CIART: variants seen among roughly 807,000 people sequenced by gnomAD.
CIART encodes circadian associated repressor of transcription.
A neutral mutation model predicts 22.1 loss-of-function variants in CIART; 7 were observed. That is an observed-to-expected ratio of 0.32 (90% CI 0.18 to 0.59). The LOEUF (loss-of-function observed/expected upper bound fraction) is 0.59. CIART is among the 20% of genes least tolerant of loss of function. The pLI, the probability that CIART is intolerant of heterozygous loss-of-function variation, is 0.86. For missense variants in CIART, 440 were observed against 478.0 expected (o/e 0.92, Z 0.74); for synonymous variants, 163 against 174.6 (o/e 0.93, Z 0.53).
In CIART at chr1:150,287,071, A is replaced by G; in HGVS notation, c.*117A>G. On this transcript the variant is annotated 3_prime_UTR_variant, in exon 5 of 5. Coordinates refer to ENST00000290363, the MANE Select transcript of CIART (RefSeq NM_144697.4). ...GAGGGAAGATAAATCCTTTCTGATT[A>G]AAGAAATTTTTTTATACCTAAACAG... 1 of 1,114,152 alleles carries G rather than the reference A, an allele frequency of 9.0e-7. No individual in the cohort carries two copies. The highest frequency in any genetic ancestry group is 1.2e-6 in the Non-Finnish European group (1 of 836,246). The allele number at this position is 1,114,152 out of a possible 1,614,324, so 69.0% of individuals were successfully genotyped here.
At chr1:150,286,156 AC>A (rs1653474128) in intron 4 of CIART, among the ~76,000 whole-genome samples, 2 of 152,192 alleles carry the variant, frequency 1.3e-5, no homozygotes, top group Non-Finnish European at 2.9e-5. Flanking sequence ...AACCTATGGA[AC>A]TGTTTGTTTT....
Position 150,283,256 on chromosome 1 carries a change from G to C in CIART, c.-12G>C, listed in dbSNP as rs374346667. Reference sequence around the variant, plus strand: ...CTCCAGGAGCTGTTCTATAGCCCCTGCTTCTGGACCTATGGATTCTCCATC... The same window carrying C: ...CTCCAGGAGCTGTTCTATAGCCCCTCCTTCTGGACCTATGGATTCTCCATC... On this transcript the variant is annotated 5_prime_UTR_variant, in exon 1 of 5. Transcript: ENST00000290363. 4 of 1,512,776 alleles carry C rather than the reference G, an allele frequency of 2.6e-6. No homozygotes were observed. Among genetic ancestry groups the C allele is most frequent in the Non-Finnish European group, 3.5e-6 (4 of 1,131,316 alleles). 93.7% of individuals were successfully genotyped at this position (1,512,776 alleles called of 1,614,324 possible).
chr1:150,283,491 A>G lies in CIART; in HGVS notation c.224A>G (p.His75Arg), dbSNP rs1653278225. 10 of 1,614,124 alleles carry G rather than the reference A, an allele frequency of 6.2e-6. No individual in the cohort carries two copies. Among genetic ancestry groups the G allele is most frequent in the Non-Finnish European group, 8.5e-6 (10 of 1,180,052 alleles). ...CGATCGAAGGTTTCCGGTAACCAGC[A>G]TACACCATCTCATCCGAAACAGCGG... Reference protein sequence around the residue: ...RHRSKVSGNQHTPSHPKQRGS... With the variant: ...RHRSKVSGNQRTPSHPKQRGS... Residue 75 changes from histidine (H) to arginine (R), a missense_variant, in exon 1 of 5, where the codon CAT becomes CGT. His to Arg is a conservative substitution (Grantham distance 29). Coordinates refer to ENST00000290363, the MANE Select transcript of CIART (RefSeq NM_144697.4).
chr1:150,284,362 T>A, intron 2 of CIART, 64 bp from the exon 3 acceptor site: 1 of 1,447,366 alleles, frequency 6.9e-7, no homozygotes, highest in Non-Finnish European at 9.7e-7. Flanking sequence ...CCCCTTCTGT[T>A]CTTCCTTTAC....
intron 2 of CIART, 48 bp from the exon 3 acceptor site, chr1:150,284,378 T>C (rs782088875): frequency 6.7e-7 from 1 of 1,499,246 alleles, no homozygotes; most frequent in Non-Finnish European, 9.3e-7. Context: ...TTTACCTGAC[T>C]ACATGCTTGA....
At position 150,284,435 on chromosome 1, in the gene CIART, G is replaced by T. The variant is rs782742576; in HGVS notation, c.452G>T (p.Ser151Ile). Residue 151 changes from serine to isoleucine, a missense_variant, in exon 3 of 5, where the codon AGT becomes ATT. Physicochemically the swap from Ser to Ile is moderately radical, Grantham distance 142 (BLOSUM62 -2). Transcript: ENST00000290363. ...KMGRFERGLS[S>I]FQQSVAMDRI... ...CTGTCCCTGTCCCCAGGATTAAGCA[G>T]TTTTCAGCAGAGTGTGGCAATGGAC... 6.2e-7 allele frequency: 1 copy of T among 1,609,846 alleles called. No individual in the cohort carries two copies. The highest frequency in any genetic ancestry group is 8.5e-7 in the Non-Finnish European group (1 of 1,176,072).
Position 150,286,855 on chromosome 1 carries a change from C to G in CIART, c.1059C>G (p.Pro353=). The change falls in exon 5 of 5, where the codon CCC becomes CCG. Residue 353 remains proline, a synonymous_variant. Coordinates refer to ENST00000290363, the MANE Select transcript of CIART (RefSeq NM_144697.4). ...ACTGGAGCTATACCCTATCCCCTCC[C>G]AGTCTACCCACCTTGGCCAGAAAGA... The part of the protein sequence containing the change: ...PSDWSYTLSP[P]SLPTLARKMT... 1 of 1,613,388 alleles carries G rather than the reference C, an allele frequency of 6.2e-7. No homozygotes were observed. Among genetic ancestry groups the G allele is most frequent in the Non-Finnish European group, 8.5e-7 (1 of 1,179,388 alleles).
Position 150,283,308 on chromosome 1 carries a change from C to G in CIART, c.41C>G (p.Ser14Cys). The G allele has an allele frequency of 1.3e-6, 2 of 1,534,962 alleles. No homozygotes were observed. Among genetic ancestry groups the G allele is most frequent in the South Asian group, 1.3e-5 (1 of 77,252 alleles). ...AGCGTTTCTTCCTATTCCTCCTACT[C>G]TCTCTCTTCGTCTTTTCCCACCTCC... Reference protein sequence around the residue: ...PSSVSSYSSYSLSSSFPTSPV... With the variant: ...PSSVSSYSSYCLSSSFPTSPV... The change falls in exon 1 of 5, where the codon TCT (serine) becomes TGT (cysteine). Residue 14 changes from serine (S) to cysteine (C), a missense_variant. By Grantham distance (112) the Ser-to-Cys change is moderately radical. Transcript: ENST00000290363.
intron 4 of CIART, chr1:150,285,499 G>A: frequency 6.5e-6 from 1 of 154,318 alleles, no homozygotes; most frequent in Non-Finnish European, 1.4e-5. Context: ...TCGTGCCATT[G>A]CACTCCAGCC....
intron 2 of CIART, 46 bp from the exon 3 acceptor site, chr1:150,284,380 C>G (rs1553854215): frequency 1.3e-6 from 2 of 1,503,754 alleles, no homozygotes; most frequent in Non-Finnish European, 1.9e-6. Flanking sequence ...TACCTGACTA[C>G]ATGCTTGAAT....
At chr1:150,285,127 A>T (rs1439392563) in intron 4 of CIART, 1 of 220,744 alleles carries the variant, frequency 4.5e-6, no homozygotes, top group Non-Finnish European at 9.0e-6. Context: ...ACCCTTTGAC[A>T]GTTTTTGAGT....
intron 4 of CIART, among the ~76,000 whole-genome samples, chr1:150,286,199 T>C (rs1484695913): frequency 6.6e-6 from 1 of 152,206 alleles, no homozygotes; most frequent in African/African-American, 2.4e-5. Flanking sequence ...GTGTCTAATA[T>C]AGTATGTGGT....
chr1:150,284,524 T>C lies in CIART; in HGVS notation c.521+20T>C, dbSNP rs1653370872. ...GATGGGGTAAGTCCCGCTGGTTCTT[T>C]GCTTGGGTCTTCATAAAAAGGAGAT... On this transcript the variant is annotated intron_variant, in intron 3 of 4. Coordinates refer to ENST00000290363, the MANE Select transcript of CIART (RefSeq NM_144697.4). 6 of 1,599,560 alleles carry C rather than the reference T, an allele frequency of 3.8e-6. No individual in the cohort carries two copies. The South Asian group carries it at 6.6e-5, about 18-fold the overall frequency.
Position 150,286,739 on chromosome 1 carries a change from A to C in CIART, c.943A>C (p.Thr315Pro). Residue 315 changes from threonine to proline, a missense_variant, in exon 5 of 5, where the codon ACT becomes CCT. Coordinates refer to ENST00000290363, the MANE Select transcript of CIART (RefSeq NM_144697.4). ...TGCCCCAACCACCCCAGTCCCACCT[A>C]CTACAGCATCTCCTGTCATCCCTGG... is the stretch of plus-strand genomic sequence containing the variant. ...HSAPTTPVPP[T>P]TASPVIPGEP... 2 of 1,612,800 alleles carry C rather than the reference A, an allele frequency of 1.2e-6. No homozygotes were observed. The highest frequency in any genetic ancestry group is 1.7e-6 in the Non-Finnish European group (2 of 1,178,848).
chr1:150,285,304 A>G (rs2318761), intron 4 of CIART: 93,696 of 153,502 alleles, frequency 0.61, 30,861 homozygotes, highest in African/African-American at 0.85. Context: ...TTGAGAGGCC[A>G]AGGCGGGTGG....
At chr1:150,283,981 A>G in intron 2 of CIART, 101 bp downstream of exon 2, 2 of 746,096 alleles carry the variant, frequency 2.7e-6, no homozygotes, top group Admixed American at 3.1e-5. Flanking sequence ...GGCCTATATT[A>G]CTCCTTTTTT....
At position 150,286,427 on chromosome 1, in the gene CIART, T is replaced by A; in HGVS notation, c.634-3T>A. On this transcript the variant is annotated splice_polypyrimidine_tract_variant and splice_region_variant and intron_variant, in intron 4 of 4. Transcript: ENST00000290363. ...CTTTTTTTCTCATTTCTCCCCTCTC[T>A]AGCATTTTCCAAGCCACCACAGTGA... 5 of 1,565,354 alleles carry A rather than the reference T, an allele frequency of 3.2e-6. No homozygotes were observed. The highest frequency in any genetic ancestry group is 4.4e-6 in the Non-Finnish European group (5 of 1,136,466).
At chr1:150,285,021 C>T in intron 4 of CIART, 1 of 350,824 alleles carries the variant, frequency 2.9e-6, no homozygotes, top group South Asian at 3.0e-5. Flanking sequence ...TGCGGGAATA[C>T]ACCTCAGCTT....
rs1653517852 is a variant in CIART, at chr1:150,286,787, G to A, written c.991G>A (p.Glu331Lys). 1 of 1,613,718 alleles carries A rather than the reference G, an allele frequency of 6.2e-7. No individual in the cohort carries two copies. The highest frequency in any genetic ancestry group is 8.5e-7 in the Non-Finnish European group (1 of 1,179,634). Residue 331 changes from glutamate to lysine, a missense_variant, in exon 5 of 5, where the codon GAG becomes AAG. Transcript: ENST00000290363. ...IPGEPMKLSG[E>K]GPRCYSLPVT... ...TGGTGAGCCTATGAAACTATCTGGA[G>A]AGGGTCCTCGTTGCTACAGTTTGCC...
Sources: gnomAD v4.1 joint callset for allele counts (sites outside exome capture counted in the v4.1 genomes callset) on GRCh38, gnomAD v4.1.1 for gene constraint, MANE v1.5 for transcripts, NCBI Gene and HGNC (gene_info 2026-07-23, HGNC 2026-07-21) for gene names.